UTS2: variants seen among roughly 807,000 people sequenced by gnomAD.
UTS2 encodes the protein urotensin 2, also known as urotensin-2.
A neutral mutation model predicts 12.6 loss-of-function variants in UTS2; 10 were observed. The observed-to-expected ratio is 0.80, with a 90% CI of 0.49 to 1.35. The LOEUF (loss-of-function observed/expected upper bound fraction) is 1.35. Among genes scored for constraint, UTS2 ranks in the 40% most tolerant of loss-of-function variants. The probability of loss-of-function intolerance (pLI) is 0.00; values close to 1 mark genes in which losing one functional copy is unlikely to be tolerated. For synonymous variants in UTS2, 52 were observed against 50.0 expected (o/e 1.04, Z -0.17); for missense variants, 142 against 143.2 (o/e 0.99, Z 0.04).
At position 7,850,792 on chromosome 1, in the gene UTS2, A is replaced by C. The variant is rs1177222488; in HGVS notation, c.214+20T>G. 6.2e-7 allele frequency: 1 copy of C among 1,611,298 alleles called. No individual in the cohort carries two copies. The highest frequency in any genetic ancestry group is 2.2e-5 in the East Asian group (1 of 44,862). ...GTAGCAATTAAATCAGACACGCTAT[A>C]AACATGAGAAGCATTTTACCTGCTT... On this transcript the variant is annotated intron_variant, in intron 2 of 3. Transcript: ENST00000361696.
the UTS2 span, among the ~76,000 whole-genome samples, chr1:7,906,042 A>G: frequency 1.3e-5 from 2 of 152,090 alleles, no homozygotes; most frequent in Non-Finnish European, 2.9e-5. Context: ...TCTTGTTTTG[A>G]GGAACCAACT....
the UTS2 span, among the ~76,000 whole-genome samples, chr1:7,892,469 GTTTTT>G: frequency 2.4e-4 from 19 of 77,754 alleles, no homozygotes; most frequent in East Asian, 1.1e-3. Flanking sequence ...CCTCATGCAT[GTTTTT>G]TTTTTTTTTT....
intron 1 of UTS2, among the ~76,000 whole-genome samples, chr1:7,852,053 T>G (rs2097414712): frequency 6.6e-6 from 1 of 152,186 alleles, no homozygotes; most frequent in Non-Finnish European, 1.5e-5. Flanking sequence ...TGGTTGGCAG[T>G]GCCTGATGAC....
chr1:7,849,661 G>T lies in UTS2; in HGVS notation c.237C>A (p.Asn79Lys). Residue 79 changes from asparagine (N) to lysine (K), a missense_variant, in exon 3 of 4, where the codon AAC (asparagine) becomes AAA (lysine). Asn to Lys is a moderately conservative substitution (Grantham distance 94). Transcript: ENST00000361696. ...RKADSSTNIF[N>K]PRGNLRKFQD... is the part of the protein sequence containing the mutation. ...TTACCTTTCTCAAATTTCCTCTTGGGTTAAAAATGTTGGTACTTGAGTCTG... is the reference window on the plus strand; with the variant it reads ...TTACCTTTCTCAAATTTCCTCTTGGTTTAAAAATGTTGGTACTTGAGTCTG... 4.3e-6 allele frequency: 7 copies of T among 1,610,234 alleles called. No homozygotes were observed. Among genetic ancestry groups the T allele is most frequent in the African/African-American group, 1.3e-5 (1 of 74,862 alleles).
Position 7,850,660 on chromosome 1 carries a change from A to G in UTS2, c.214+152T>C. 4.3e-6 allele frequency: 3 copies of G among 696,074 alleles called. No individual in the cohort carries two copies. The South Asian group carries it at 5.7e-5, about 13-fold the overall frequency. 43.1% of individuals were successfully genotyped at this position (696,074 alleles called of 1,614,324 possible). ...GAGCTGCTGGGGAAAAGAAGGTTGC[A>G]CAGGCCGGGAGGGGAGAGTGTTGGT... On this transcript the variant is annotated intron_variant, in intron 2 of 3. Coordinates refer to ENST00000361696, the MANE Select transcript of UTS2 (RefSeq NM_006786.4).
chr1:7,900,884 G>A, the UTS2 span, among the ~76,000 whole-genome samples: 1 of 152,142 alleles, frequency 6.6e-6, no homozygotes, highest in East Asian at 1.9e-4. Context: ...CCTAGGAGAA[G>A]ATAAACCACT....
the UTS2 span, among the ~76,000 whole-genome samples, chr1:7,885,268 T>C: frequency 1.3e-5 from 2 of 152,268 alleles, no homozygotes; most frequent in East Asian, 1.9e-4. Flanking sequence ...GTTTCTTCCT[T>C]GTCCATTTGT....
At position 7,852,932 on chromosome 1, in the gene UTS2, A is replaced by G. The variant is rs145512502; in HGVS notation, c.72T>C (p.Leu24=). 9.0e-4 allele frequency: 1,457 copies of G among 1,612,710 alleles called. No individual in the cohort carries two copies. The highest frequency in any genetic ancestry group is 1.1e-3 in the Non-Finnish European group (1,337 of 1,179,496). ...FLNPLLSLPL[L]DSREISFQLS... ...GTTGAAAGGATATTTCCCTGGAGTCAAGGAGAGGAAGAGATAAGAGAGGAT... is the reference window on the plus strand; with the variant it reads ...GTTGAAAGGATATTTCCCTGGAGTCGAGGAGAGGAAGAGATAAGAGAGGAT... The change falls in exon 1 of 4, where the codon CTT becomes CTC. Residue 24 remains leucine (L), a synonymous_variant. Transcript: ENST00000361696.
the UTS2 span, among the ~76,000 whole-genome samples, chr1:7,910,121 A>C: frequency 7.6e-4 from 115 of 152,194 alleles, no homozygotes; most frequent in Non-Finnish European, 1.3e-3. Context: ...GTTTTTCTCT[A>C]AACTTCTCCT....
the UTS2 span, among the ~76,000 whole-genome samples, chr1:7,890,320 A>G: frequency 2.0e-5 from 3 of 152,128 alleles, no homozygotes; most frequent in Non-Finnish European, 4.4e-5. Flanking sequence ...GCTAAGAGTC[A>G]GGTTTTTCTC....
chr1:7,849,072 C>A (rs1294552180), intron 3 of UTS2, among the ~76,000 whole-genome samples: 1 of 152,186 alleles, frequency 6.6e-6, no homozygotes, highest in Non-Finnish European at 1.5e-5. Flanking sequence ...GACTGGAGAG[C>A]AGGGACCTCA....
the UTS2 span, among the ~76,000 whole-genome samples, chr1:7,865,040 C>T: frequency 3.9e-3 from 151 of 38,938 alleles, 15 homozygotes; most frequent in African/African-American, 9.0e-3. Flanking sequence ...GTGTGTCTGT[C>T]TGTCCGATAC....
chr1:7,886,664 C>G, the UTS2 span, among the ~76,000 whole-genome samples: 1 of 152,186 alleles, frequency 6.6e-6, no homozygotes, highest in African/African-American at 2.4e-5. Flanking sequence ...CAGTCTTTCT[C>G]TCACTTTCTG....
At chr1:7,865,498 T>C in the UTS2 span, among the ~76,000 whole-genome samples, 3 of 123,862 alleles carry the variant, frequency 2.4e-5, 1 homozygote, top group Admixed American at 8.6e-5. Flanking sequence ...GTCGGTCCGA[T>C]ACCATCTTCC....
chr1:7,853,618 G>T (rs1182298287), upstream of UTS2: 1 of 645,966 alleles, frequency 1.5e-6, no homozygotes, highest in Non-Finnish European at 2.5e-6. Flanking sequence ...GTGGCCTCAT[G>T]TGAAGCCGCA....
At chr1:7,894,783 C>T in the UTS2 span, among the ~76,000 whole-genome samples, 2 of 150,134 alleles carry the variant, frequency 1.3e-5, no homozygotes, top group Non-Finnish European at 3.0e-5. Flanking sequence ...AGATGGAAAC[C>T]AGCCCGGCAA....
At chr1:7,861,055 A>T in the UTS2 span, among the ~76,000 whole-genome samples, 1 of 151,526 alleles carries the variant, frequency 6.6e-6, no homozygotes, top group African/African-American at 2.4e-5. Context: ...AAAAAAAAAA[A>T]AAAAAAGGCT....
In UTS2 at chr1:7,848,720, G is replaced by A. The variant is rs559551526; in HGVS notation, c.259-838C>T. Among the ~76,000 whole-genome samples the A allele has an allele frequency of 2.7e-4, 41 of 152,038 alleles. 1 individual carries two copies. The highest frequency in any genetic ancestry group is 6.2e-4 in the South Asian group (3 of 4,804). ...TTTTTTGTAGAGACGGGGTTTCGCT[G>A]TGTTGCCCAGGCTGGTCTTGAACTC... On this transcript the variant is annotated intron_variant, in intron 3 of 3. Transcript: ENST00000361696.
At position 7,850,931 on chromosome 1, in the gene UTS2, TA is replaced by T. The variant is rs778812136; in HGVS notation, c.104-10del. The T allele has an allele frequency of 5.0e-5, 81 of 1,613,396 alleles. No homozygotes were observed. Among genetic ancestry groups the T allele is most frequent in the Non-Finnish European group, 6.7e-5 (79 of 1,179,632 alleles). ...CGCGTCTTCATGAGGTGCTACAGAGTAAAAACAGATACTTAGAATTGGGTTC... is the reference window on the plus strand; with the variant it reads ...CGCGTCTTCATGAGGTGCTACAGAGTAAAACAGATACTTAGAATTGGGTTC... On this transcript the variant is annotated splice_polypyrimidine_tract_variant and intron_variant, in intron 1 of 3. Coordinates refer to ENST00000361696, the MANE Select transcript of UTS2 (RefSeq NM_006786.4).
Sources: allele counts gnomAD v4.1 joint callset (sites outside exome capture counted in the v4.1 genomes callset), GRCh38; gene constraint gnomAD v4.1.1; transcripts MANE v1.5; gene names NCBI Gene and HGNC (gene_info 2026-07-23, HGNC 2026-07-21).